Variants in SMYD2 observed in about 807,000 individuals in gnomAD.
SMYD2 encodes N-lysine methyltransferase SMYD2.
SMYD2 carries 53 observed loss-of-function variants against 59.1 expected under a neutral mutation model. That is an observed-to-expected ratio of 0.90 (90% CI 0.72 to 1.13). The LOEUF (loss-of-function observed/expected upper bound fraction) is 1.13, where lower values mean the gene tolerates loss of function less well. SMYD2 is among the 50% of genes most tolerant of loss of function. The probability of loss-of-function intolerance (pLI) is 0.00; values close to 1 mark genes in which losing one functional copy is unlikely to be tolerated. For synonymous variants in SMYD2, 208 were observed against 198.8 expected (o/e 1.05, Z -0.39); for missense variants, 494 against 544.7 (o/e 0.91, Z 0.93).
chr1:214,313,172 A>C (rs1418645539), intron 2 of SMYD2, among the ~76,000 whole-genome samples: 1 of 152,040 alleles, frequency 6.6e-6, no homozygotes, highest in African/African-American at 2.4e-5. Context: ...GCTGGAGTGT[A>C]GCGGTGCACT....
chr1:214,317,965 A>AC (rs1252748608), intron 3 of SMYD2, 114 bp from the exon 4 acceptor site: 2 of 1,013,620 alleles, frequency 2.0e-6, no homozygotes, highest in Admixed American at 3.8e-5. Context: ...AGCTTGTTTT[A>AC]CTTCCTTAAG....
chr1:214,311,147 A>C (rs1656993236), intron 2 of SMYD2, among the ~76,000 whole-genome samples: 1 of 152,218 alleles, frequency 6.6e-6, no homozygotes, highest in Non-Finnish European at 1.5e-5. Context: ...ATTGCCATAA[A>C]CTGCTTGAAG....
At position 214,332,161 on chromosome 1, in the gene SMYD2, C is replaced by A. The variant is rs2102479884; in HGVS notation, c.1081C>A (p.Gln361Lys). 6.2e-7 allele frequency: 1 copy of A among 1,614,114 alleles called. No homozygotes were observed. The highest frequency in any genetic ancestry group is 8.5e-7 in the Non-Finnish European group (1 of 1,180,002). Residue 361 changes from glutamine (Q) to lysine (K), a missense_variant, in exon 10 of 12, where the codon CAA (glutamine) becomes AAA (lysine). Gln to Lys is a moderately conservative substitution (Grantham distance 53). Coordinates refer to ENST00000366957, the MANE Select transcript of SMYD2 (RefSeq NM_020197.3). Reference sequence around the variant, plus strand: ...CATGCAGGACTGGGAAGGAGCCCTGCAATATGGACAGAAAATCATTAAGCC... The same window carrying A: ...CATGCAGGACTGGGAAGGAGCCCTGAAATATGGACAGAAAATCATTAAGCC... ...LYMQDWEGAL[Q>K]YGQKIIKPYS...
intron 1 of SMYD2, among the ~76,000 whole-genome samples, chr1:214,303,547 T>A (rs1656860529): frequency 6.6e-6 from 1 of 152,196 alleles, no homozygotes; most frequent in Admixed American, 6.5e-5. Flanking sequence ...ACTTGGAATA[T>A]TTATTTATGC....
At chr1:214,281,460 A>AGCCGGGG (rs1272380267) in intron 1 of SMYD2, 33 bp downstream of exon 1, 1 of 1,299,324 alleles carries the variant, frequency 7.7e-7, no homozygotes, top group Middle Eastern at 2.6e-4. Flanking sequence ...GGCGGGCGGG[A>AGCCGGGG]GCCGGGGGCG....
chr1:214,329,874 C>T (rs568511005), intron 7 of SMYD2, among the ~76,000 whole-genome samples: 16 of 152,212 alleles, frequency 1.1e-4, no homozygotes, highest in Non-Finnish European at 2.2e-4. Flanking sequence ...ATCCTCTGAA[C>T]CCTCCAGGAC....
intron 2 of SMYD2, among the ~76,000 whole-genome samples, chr1:214,306,513 G>A (rs539221328): frequency 7.2e-5 from 11 of 152,286 alleles, no homozygotes; most frequent in East Asian, 3.9e-4. Flanking sequence ...GCAGGCTCCC[G>A]GAGGCTGTCA....
chr1:214,281,383 C>A lies in SMYD2; in HGVS notation c.129C>A (p.Leu43=). The change falls in exon 1 of 12, where the codon CTC becomes CTA. Residue 43 remains leucine, a synonymous_variant. Coordinates refer to ENST00000366957, the MANE Select transcript of SMYD2 (RefSeq NM_020197.3). The part of the protein sequence containing the change: ...LFSCPAYAYV[L]TVNERGNHCE... Reference sequence around the variant, plus strand: ...CCTGCCCGGCCTATGCCTACGTGCTCACGGTCAACGAGCGGGGCAACCACT... The same window carrying A: ...CCTGCCCGGCCTATGCCTACGTGCTAACGGTCAACGAGCGGGGCAACCACT... 1.4e-6 allele frequency: 2 copies of A among 1,467,086 alleles called. No homozygotes were observed. The highest frequency in any genetic ancestry group is 1.8e-6 in the Non-Finnish European group (2 of 1,103,560). The allele number at this position is 1,467,086 out of a possible 1,614,324, so 90.9% of individuals were successfully genotyped here.
At chr1:214,295,264 T>G (rs767571718) in intron 1 of SMYD2, among the ~76,000 whole-genome samples, 2 of 152,204 alleles carry the variant, frequency 1.3e-5, no homozygotes, top group Non-Finnish European at 2.9e-5. Context: ...GGACGAGCTT[T>G]AACTGTTAGA....
intron 2 of SMYD2, among the ~76,000 whole-genome samples, chr1:214,314,406 T>A (rs1318138562): frequency 1.3e-5 from 2 of 152,168 alleles, no homozygotes; most frequent in Non-Finnish European, 2.9e-5. Flanking sequence ...GCCAAATCAA[T>A]GGCTGATACT....
At chr1:214,296,010 C>T (rs1452354192) in intron 1 of SMYD2, among the ~76,000 whole-genome samples, 1 of 152,204 alleles carries the variant, frequency 6.6e-6, no homozygotes, top group African/African-American at 2.4e-5. Context: ...CTCTGTTCAA[C>T]AGAGCATACT....
At chr1:214,296,730 T>C (rs1000340206) in intron 1 of SMYD2, among the ~76,000 whole-genome samples, 1 of 151,900 alleles carries the variant, frequency 6.6e-6, no homozygotes, top group African/African-American at 2.4e-5. Flanking sequence ...AAAGGACTAG[T>C]AACTTGCCCA....
intron 5 of SMYD2, among the ~76,000 whole-genome samples, chr1:214,323,179 A>G (rs767447010): frequency 6.6e-6 from 1 of 152,194 alleles, no homozygotes; most frequent in Non-Finnish European, 1.5e-5. Flanking sequence ...TTTTAGAGAC[A>G]TGAAGATCAC....
intron 1 of SMYD2, among the ~76,000 whole-genome samples, chr1:214,300,145 A>G (rs1656798307): frequency 6.6e-6 from 1 of 152,248 alleles, no homozygotes; most frequent in Non-Finnish European, 1.5e-5. Flanking sequence ...TTATTATTTT[A>G]AAAGAAAATT....
intron 2 of SMYD2, among the ~76,000 whole-genome samples, chr1:214,314,251 C>A (rs1166643300): frequency 6.6e-6 from 1 of 152,086 alleles, no homozygotes; most frequent in Non-Finnish European, 1.5e-5. Flanking sequence ...ATTCCTAAAT[C>A]TTTCCAGTGG....
At chr1:214,286,513 G>C (rs910053348) in intron 1 of SMYD2, among the ~76,000 whole-genome samples, 1 of 152,038 alleles carries the variant, frequency 6.6e-6, no homozygotes, top group African/African-American at 2.4e-5. Context: ...GCTCACACCT[G>C]TAATCCCAAC....
chr1:214,315,822 G>A (rs1363120060), intron 3 of SMYD2, among the ~76,000 whole-genome samples: 1 of 152,162 alleles, frequency 6.6e-6, no homozygotes, highest in African/African-American at 2.4e-5. Context: ...TTGACCTAAG[G>A]CAGGATTTAA....
chr1:214,319,712 G>T (rs908792614), intron 5 of SMYD2, among the ~76,000 whole-genome samples: 2 of 151,888 alleles, frequency 1.3e-5, no homozygotes, highest in Non-Finnish European at 1.5e-5. Flanking sequence ...GCTCTTCCTG[G>T]CCTGACTTAC....
At position 214,281,426 on chromosome 1, in the gene SMYD2, A is replaced by C; in HGVS notation, c.172A>C (p.Arg58=). 7.0e-7 allele frequency: 1 copy of C among 1,423,890 alleles called. No individual in the cohort carries two copies. Among genetic ancestry groups the C allele is most frequent in the South Asian group, 1.7e-5 (1 of 59,944 alleles). The allele number at this position is 1,423,890 out of a possible 1,614,324, so 88.2% of individuals were successfully genotyped here. The change falls in exon 1 of 12, where the codon AGG becomes CGG. Residue 58 remains arginine (R), a splice_region_variant and synonymous_variant. Transcript: ENST00000366957. ...RGNHCEYCFT[R]KEGLSKCGRC... ...CAACCACTGCGAGTACTGCTTCACCAGGTAGGGCGGCGGCGGCGGCGGCGG... is the reference window on the plus strand; with the variant it reads ...CAACCACTGCGAGTACTGCTTCACCCGGTAGGGCGGCGGCGGCGGCGGCGG...
Sources: allele counts gnomAD v4.1 joint callset (sites outside exome capture counted in the v4.1 genomes callset), GRCh38; gene constraint gnomAD v4.1.1; transcripts MANE v1.5; gene names NCBI Gene and HGNC (gene_info 2026-07-23, HGNC 2026-07-21).